KCNQ3: variants seen among roughly 807,000 people sequenced by gnomAD.
KCNQ3 encodes the protein potassium voltage-gated channel subfamily Q member 3.
In KCNQ3, 30 loss-of-function variants were observed where a neutral mutation model predicts 92.5. The observed-to-expected ratio is 0.32, with a 90% CI of 0.24 to 0.44. The LOEUF is 0.44. KCNQ3 is among the 20% of genes least tolerant of loss of function. The pLI, the probability that KCNQ3 is intolerant of heterozygous loss-of-function variation, is 1.00. For synonymous variants in KCNQ3, 450 were observed against 468.8 expected (o/e 0.96, Z 0.52); for missense variants, 913 against 1,140.3 (o/e 0.80, Z 2.87).
At chr8:132,247,689 T>A (rs1815226429) in intron 1 of KCNQ3, among the ~76,000 whole-genome samples, 2 of 151,314 alleles carry the variant, frequency 1.3e-5, no homozygotes, top group African/African-American at 4.9e-5. Context: ...TCCCAGCTAC[T>A]CGGGAGGCTG....
intron 3 of KCNQ3, among the ~76,000 whole-genome samples, chr8:132,183,260 G>A (rs1240355535): frequency 6.6e-6 from 1 of 152,182 alleles, no homozygotes; most frequent in Non-Finnish European, 1.5e-5. Flanking sequence ...GGTAAAAGAA[G>A]ACTCTTCTGG....
rs1824579848 is a variant in KCNQ3 at position 132,123,975 on chromosome 8, C to T, written c.*5287G>A. ...TGCTAGGGTGTTGTCTGATAGCCACCATGCACAGTTGACTTTCCTTGGGAA... is the reference window on the plus strand; with the variant it reads ...TGCTAGGGTGTTGTCTGATAGCCACTATGCACAGTTGACTTTCCTTGGGAA... On this transcript the variant is annotated 3_prime_UTR_variant, in exon 15 of 15. Coordinates refer to ENST00000388996, the MANE Select transcript of KCNQ3 (RefSeq NM_004519.4). 1 of 152,162 alleles carries T rather than the reference C, an allele frequency of 6.6e-6. No homozygotes were observed. The allele number at this position is 152,162 out of a possible 1,614,324, so 9.4% of individuals were successfully genotyped here.
chr8:132,298,803 G>C (rs2016758), intron 1 of KCNQ3, among the ~76,000 whole-genome samples: 12,473 of 152,062 alleles, frequency 0.082, 578 homozygotes, highest in South Asian at 0.18. Context: ...CAGCTACTCG[G>C]AAGGCTGAGG....
intron 1 of KCNQ3, among the ~76,000 whole-genome samples, chr8:132,469,625 C>A (rs952705277): frequency 6.6e-6 from 1 of 151,896 alleles, no homozygotes. Context: ...GACACTGTCC[C>A]GCTTGTTAAA....
chr8:132,314,913 G>C (rs1312830324), intron 1 of KCNQ3, among the ~76,000 whole-genome samples: 1 of 152,146 alleles, frequency 6.6e-6, no homozygotes, highest in East Asian at 1.9e-4. Context: ...TGCTGTGATA[G>C]AAAAACAACA....
chr8:132,234,338 GTTTTTTTTTTT>G (rs756218792), intron 1 of KCNQ3, among the ~76,000 whole-genome samples: 7,155 of 86,018 alleles, frequency 0.083, 320 homozygotes, highest in African/African-American at 0.17. Context: ...TCCATGAAAA[GTTTTTTTTTTT>G]TTTTTTTTTT....
In KCNQ3 at chr8:132,349,429, G is replaced by A. The variant is rs918272629; in HGVS notation, c.386+130718C>T. Among the ~76,000 whole-genome samples the A allele has an allele frequency of 2.9e-4, 44 of 152,378 alleles. 1 individual carries two copies. Among genetic ancestry groups the A allele is most frequent in the African/African-American group, 1.0e-3 (43 of 41,596 alleles). On this transcript the variant is annotated intron_variant, in intron 1 of 14. Coordinates refer to ENST00000388996, the MANE Select transcript of KCNQ3 (RefSeq NM_004519.4). ...GATGACGGGGGGAAGAACAGAAAGA[G>A]AAGAGAGAAAGAAGTCTGCTGTACT...
chr8:132,158,578 AAGG>A (rs965176389), intron 9 of KCNQ3, among the ~76,000 whole-genome samples: 5 of 152,162 alleles, frequency 3.3e-5, no homozygotes, highest in East Asian at 1.9e-4. Context: ...CAACAGCTGG[AAGG>A]AGGAGCATAG....
At chr8:132,405,375 C>G (rs182367060) in intron 1 of KCNQ3, among the ~76,000 whole-genome samples, 2 of 152,362 alleles carry the variant, frequency 1.3e-5, no homozygotes, top group Non-Finnish European at 2.9e-5. Flanking sequence ...CCTCAGCTCA[C>G]CTTTCCTCCA....
chr8:132,378,601 C>G (rs1033162628), intron 1 of KCNQ3, among the ~76,000 whole-genome samples: 1 of 152,192 alleles, frequency 6.6e-6, no homozygotes, highest in Non-Finnish European at 1.5e-5. Flanking sequence ...AAACCATTCT[C>G]TTACAGTTTG....
At chr8:132,359,284 G>A (rs1037394322) in intron 1 of KCNQ3, among the ~76,000 whole-genome samples, 1 of 152,186 alleles carries the variant, frequency 6.6e-6, no homozygotes, top group African/African-American at 2.4e-5. Context: ...CAGATCAGGG[G>A]TGTCTTGCTG....
At chr8:132,403,292 C>A (rs1424417968) in intron 1 of KCNQ3, among the ~76,000 whole-genome samples, 1 of 152,116 alleles carries the variant, frequency 6.6e-6, no homozygotes, top group Non-Finnish European at 1.5e-5. Flanking sequence ...TCTCTGGGTG[C>A]CCCTAAGACC....
intron 1 of KCNQ3, among the ~76,000 whole-genome samples, chr8:132,407,200 C>G (rs1469504641): frequency 1.3e-5 from 2 of 152,174 alleles, no homozygotes; most frequent in Non-Finnish European, 2.9e-5. Flanking sequence ...GGAGCAGCCA[C>G]AGCAAAGAGC....
chr8:132,282,964 G>A (rs1458878190), intron 1 of KCNQ3, among the ~76,000 whole-genome samples: 1 of 152,188 alleles, frequency 6.6e-6, no homozygotes, highest in Non-Finnish European at 1.5e-5. Context: ...AGCTCAGTGA[G>A]GAAGCAGAGA....
chr8:132,476,414 G>A (rs1462124728), intron 1 of KCNQ3, among the ~76,000 whole-genome samples: 1 of 152,226 alleles, frequency 6.6e-6, no homozygotes, highest in East Asian at 1.9e-4. Flanking sequence ...GCCCATGGAA[G>A]CAGCCACAGG....
chr8:132,266,645 C>T (rs1474363333), intron 1 of KCNQ3, among the ~76,000 whole-genome samples: 2 of 152,140 alleles, frequency 1.3e-5, no homozygotes, highest in African/African-American at 4.8e-5. Flanking sequence ...CAGAGGGTCC[C>T]AGAGGCCGAG....
intron 1 of KCNQ3, among the ~76,000 whole-genome samples, chr8:132,345,999 T>C (rs1291380849): frequency 1.3e-5 from 2 of 151,832 alleles, no homozygotes; most frequent in African/African-American, 4.8e-5. Flanking sequence ...GGGATGGTGA[T>C]GATGACAATG....
At chr8:132,160,371 T>A (rs1294742349) in intron 9 of KCNQ3, among the ~76,000 whole-genome samples, 1 of 151,442 alleles carries the variant, frequency 6.6e-6, no homozygotes, top group Non-Finnish European at 1.5e-5. Flanking sequence ...TTGTAAGTTA[T>A]GTAAATGCTT....
At chr8:132,375,845 A>G (rs905959420) in intron 1 of KCNQ3, among the ~76,000 whole-genome samples, 2 of 152,036 alleles carry the variant, frequency 1.3e-5, no homozygotes, top group Non-Finnish European at 2.9e-5. Flanking sequence ...TATCACCCCC[A>G]TGCCAGGTAA....
Sources: allele counts gnomAD v4.1 joint callset (sites outside exome capture counted in the v4.1 genomes callset), GRCh38; gene constraint gnomAD v4.1.1; transcripts MANE v1.5; gene names NCBI Gene and HGNC (gene_info 2026-07-23, HGNC 2026-07-21).